RELN: variants seen among roughly 807,000 people sequenced by gnomAD.
RELN encodes reelin.
Under a neutral mutation model 427.6 loss-of-function variants are expected in RELN, and 108 were observed. The ratio of observed to expected loss-of-function variants is 0.25; its 90% CI spans 0.22 to 0.30. The LOEUF (loss-of-function observed/expected upper bound fraction) is 0.30. RELN is among the 10% of genes least tolerant of loss of function. The probability of loss-of-function intolerance (pLI) is 1.00; values close to 1 mark genes in which losing one functional copy is unlikely to be tolerated. For missense variants in RELN, 3,715 were observed against 4,302.8 expected (o/e 0.86, Z 3.82); for synonymous variants, 1,524 against 1,513.4 (o/e 1.01, Z -0.16).
chr7:103,520,726 T>A (rs1231712695), intron 48 of RELN, among the ~76,000 whole-genome samples: 1 of 151,930 alleles, frequency 6.6e-6, no homozygotes, highest in Non-Finnish European at 1.5e-5. Flanking sequence ...GATATACGGA[T>A]TTTTTTTAGT....
intron 4 of RELN, among the ~76,000 whole-genome samples, chr7:103,773,761 C>T (rs955231930): frequency 3.3e-5 from 5 of 151,962 alleles, no homozygotes; most frequent in Non-Finnish European, 5.9e-5. Flanking sequence ...TGACCCACTG[C>T]GCGCGGCCTC....
rs926383246 is a variant in RELN, at chr7:103,953,887, G to A, written c.226+35244C>T. Among the ~76,000 whole-genome samples, 4 of 152,026 alleles carry A rather than the reference G, an allele frequency of 2.6e-5. No individual in the cohort carries two copies. The highest frequency in any genetic ancestry group is 4.4e-5 in the Non-Finnish European group (3 of 67,990). On this transcript the variant is annotated intron_variant, in intron 1 of 64. Coordinates refer to ENST00000428762, the MANE Select transcript of RELN (RefSeq NM_005045.4). The surrounding 1 kb of genome is among the most constrained non-coding windows in gnomAD (Gnocchi z 4.3). ...GCAGAGGCTGCAATGAGTCAAGACC[G>A]TGCCACTACATGCCAGGCTGTGCGG...
chr7:103,592,807 A>G lies in RELN; in HGVS notation c.3912+875T>C, dbSNP rs373689268. On this transcript the variant is annotated intron_variant, in intron 27 of 64. Coordinates refer to ENST00000428762, the MANE Select transcript of RELN (RefSeq NM_005045.4). ...ATTAACATTATTTTGTTACTACTTT[A>G]GGTATTACCAACAAATGAATATAGA... Among the ~76,000 whole-genome samples, 36 of 152,306 alleles carry G rather than the reference A, an allele frequency of 2.4e-4. No homozygotes were observed. The East Asian group carries it at 2.7e-3, about 11-fold the overall frequency.
intron 1 of RELN, among the ~76,000 whole-genome samples, chr7:103,931,691 A>G (rs911722598): frequency 4.6e-5 from 7 of 152,254 alleles, no homozygotes; most frequent in Admixed American, 2.0e-4. Flanking sequence ...GAAAATCACC[A>G]TCCACATCTG....
rs140496799 is a variant in RELN at position 103,795,844 on chromosome 7, T to G, written c.474-19217A>C. 4.5e-3 allele frequency among the ~76,000 whole-genome samples: 685 copies of G among 152,312 alleles called. 12 individuals carry two copies. The highest frequency in any genetic ancestry group is 0.016 in the African/African-American group (653 of 41,566). On this transcript the variant is annotated intron_variant, in intron 3 of 64. Transcript: ENST00000428762. ...ATTCTGGATAAGTAGCAACAAGGAA[T>G]ACCATTTTGACACAGCTAGGGCTCT...
intron 2 of RELN, among the ~76,000 whole-genome samples, chr7:103,857,814 T>C (rs1793981057): frequency 6.6e-6 from 1 of 152,124 alleles, no homozygotes; most frequent in Non-Finnish European, 1.5e-5. Context: ...AAATAAAATA[T>C]GCTAATCAGT....
At chr7:103,627,332 A>C (rs1362689804) in intron 20 of RELN, among the ~76,000 whole-genome samples, 1 of 152,172 alleles carries the variant, frequency 6.6e-6, no homozygotes, top group Non-Finnish European at 1.5e-5. Context: ...TATAATAAAT[A>C]GTTGGTCAAT....
Position 103,753,170 on chromosome 7 carries a change from T to A in RELN, c.577+12A>T. On this transcript the variant is annotated intron_variant, in intron 5 of 64. Coordinates refer to ENST00000428762, the MANE Select transcript of RELN (RefSeq NM_005045.4). ...TACTAAAGTTAATGACATCAGAGTC[T>A]TAAACACTTACCTAGATGTGGGTGC... 1 of 1,613,720 alleles carries A rather than the reference T, an allele frequency of 6.2e-7. No individual in the cohort carries two copies. Among genetic ancestry groups the A allele is most frequent in the African/African-American group, 1.3e-5 (1 of 75,048 alleles).
chr7:103,551,940 T>TGTGC (rs756867068), intron 40 of RELN, among the ~76,000 whole-genome samples: 24 of 146,452 alleles, frequency 1.6e-4, no homozygotes, highest in African/African-American at 5.1e-4. Flanking sequence ...TGTGTGTGGG[T>TGTGC]GTGTGTGTGT....
At chr7:103,984,493 T>C (rs979431763) in intron 1 of RELN, among the ~76,000 whole-genome samples, 2 of 152,296 alleles carry the variant, frequency 1.3e-5, no homozygotes, top group African/African-American at 4.8e-5. Context: ...ATGAAATATT[T>C]TGAACTATAA....
At chr7:103,713,776 T>C (rs10281266) in intron 8 of RELN, among the ~76,000 whole-genome samples, 40,817 of 152,074 alleles carry the variant, frequency 0.27, 5,612 homozygotes, top group South Asian at 0.38. Flanking sequence ...TCTTCTTTGC[T>C]ACTTTGCAAT....
intron 2 of RELN, among the ~76,000 whole-genome samples, chr7:103,844,210 A>T (rs1369035570): frequency 6.6e-6 from 1 of 152,242 alleles, no homozygotes; most frequent in Non-Finnish European, 1.5e-5. Context: ...AGCTTTCTTT[A>T]AAACAAAACC....
intron 8 of RELN, among the ~76,000 whole-genome samples, chr7:103,706,589 C>A (rs565123296): frequency 6.6e-6 from 1 of 152,190 alleles, no homozygotes; most frequent in South Asian, 2.1e-4. Context: ...CTTTCGACTT[C>A]TTCACTATAC....
chr7:103,921,775 G>T (rs1397767677), intron 1 of RELN, among the ~76,000 whole-genome samples: 3 of 152,124 alleles, frequency 2.0e-5, no homozygotes, highest in Non-Finnish European at 4.4e-5. Context: ...TCTGATTAAA[G>T]GATGTTAACT....
chr7:103,610,072 C>A (rs992686082), intron 22 of RELN, among the ~76,000 whole-genome samples: 1 of 152,100 alleles, frequency 6.6e-6, no homozygotes, highest in Non-Finnish European at 1.5e-5. Flanking sequence ...TCATCCTGAA[C>A]CAGAAATCGT....
At chr7:103,671,114 C>G (rs530847297) in intron 11 of RELN, among the ~76,000 whole-genome samples, 1 of 152,034 alleles carries the variant, frequency 6.6e-6, no homozygotes, top group Non-Finnish European at 1.5e-5. Context: ...GAAGACCTTC[C>G]ACATTCATTT....
At chr7:103,496,258 AATT>A (rs1828838194) in intron 56 of RELN, among the ~76,000 whole-genome samples, 1 of 152,186 alleles carries the variant, frequency 6.6e-6, no homozygotes, top group Non-Finnish European at 1.5e-5. Flanking sequence ...AAGAAACTAA[AATT>A]ATTTTCGGGT....
chr7:103,725,353 G>C (rs1790179810), intron 7 of RELN, among the ~76,000 whole-genome samples: 1 of 152,178 alleles, frequency 6.6e-6, no homozygotes, highest in Admixed American at 6.5e-5. Flanking sequence ...AGGAGTTCAA[G>C]ACCAGCCTAG....
At chr7:103,609,074 T>C (rs1831884395) in intron 22 of RELN, among the ~76,000 whole-genome samples, 1 of 151,848 alleles carries the variant, frequency 6.6e-6, no homozygotes, top group African/African-American at 2.4e-5. Context: ...AATACAAAAA[T>C]TAGCTGGGTG....
Sources: gnomAD v4.1 joint callset for allele counts (sites outside exome capture counted in the v4.1 genomes callset) on GRCh38, gnomAD v4.1.1 for gene constraint, Gnocchi (gnomAD v3.1) non-coding constraint, MANE v1.5 for transcripts, NCBI Gene and HGNC (gene_info 2026-07-23, HGNC 2026-07-21) for gene names.